The following LZTFL1 variants were observed in gnomAD, a reference collection of about 807,000 sequenced individuals.
The protein encoded by LZTFL1 is leucine zipper transcription factor-like protein 1.
A neutral mutation model predicts 45.9 loss-of-function variants in LZTFL1; 25 were observed. The observed-to-expected ratio is 0.54, with a 90% CI of 0.40 to 0.76. LZTFL1 has a LOEUF of 0.76. LZTFL1 is among the 30% of genes least tolerant of loss of function. The probability of loss-of-function intolerance (pLI) is 0.00; values close to 1 mark genes in which losing one functional copy is unlikely to be tolerated. For missense variants in LZTFL1, 277 were observed against 331.1 expected, an observed-to-expected ratio of 0.84 and a Z score of 1.27; for synonymous variants, 93 against 117.4, an observed-to-expected ratio of 0.79 and a Z score of 1.35.
chr3:45,863,208 A>G (rs189743266), intron 2 of LZTFL1, among the ~76,000 whole-genome samples: 2 of 152,362 alleles, frequency 1.3e-5, no homozygotes, highest in Non-Finnish European at 2.9e-5. Flanking sequence ...GGTAGGAACT[A>G]TATTTCAAGG....
At position 45,851,804 on chromosome 3, in the gene LZTFL1, C is replaced by T. The variant is rs146856576; in HGVS notation, c.-49+3182G>A. The stretch of plus-strand genomic sequence containing the variant: ...TGAAGGCTGAAGTGAGCCATGATCA[C>T]ACCACTGCACTCCAGCCTGGGTGAC... On this transcript the variant is annotated intron_variant, in intron 4 of 4. Transcript: ENST00000472635. 8.6e-5 allele frequency among the ~76,000 whole-genome samples: 13 copies of T among 150,826 alleles called. No homozygotes were observed. In the East Asian group the frequency reaches 2.4e-3, roughly 27 times the overall value.
At chr3:45,913,165 T>A (rs1702833391) in exon 2 of LZTFL1, 1 of 1,535,548 alleles carries the variant, frequency 6.5e-7, no homozygotes, top group Admixed American at 2.0e-5. Context: ...GTGGGCTGAC[T>A]TACAGCAAGA....
At chr3:45,841,806 AG>A in intron 1 of LZTFL1, 182 bp downstream of exon 1, 1 of 724,354 alleles carries the variant, frequency 1.4e-6, no homozygotes, top group East Asian at 2.7e-5. Flanking sequence ...TTACCCCAGA[AG>A]GGCTTGGGCT....
At chr3:45,906,627 A>C (rs1163439193) in intron 2 of LZTFL1, among the ~76,000 whole-genome samples, 1 of 152,232 alleles carries the variant, frequency 6.6e-6, no homozygotes, top group Non-Finnish European at 1.5e-5. Context: ...TCAAAAGTGC[A>C]CCATGAAGGT....
chr3:45,828,630 T>A lies in LZTFL1; in HGVS notation c.601-15A>T. 1.3e-6 allele frequency: 2 copies of A among 1,578,082 alleles called. No homozygotes were observed. Among genetic ancestry groups the A allele is most frequent in the Non-Finnish European group, 1.7e-6 (2 of 1,154,002 alleles). Reference sequence around the variant, plus strand: ...TTTATAAAATCCTATGAAAAATAAATGCATGCATGTAATTTCATGTTGATA... The same window carrying A: ...TTTATAAAATCCTATGAAAAATAAAAGCATGCATGTAATTTCATGTTGATA... On this transcript the variant is annotated splice_polypyrimidine_tract_variant and intron_variant, in intron 7 of 9. Coordinates refer to ENST00000296135, the MANE Select transcript of LZTFL1 (RefSeq NM_020347.4).
rs187556058 is a variant in LZTFL1 at position 45,851,330 on chromosome 3, G to A, written c.-49+3656C>T. The stretch of plus-strand genomic sequence containing the variant: ...CAACCTCCGCCTCCTGGGTTCAAGC[G>A]ATTCTCCTGCATCAGCCTCCTGAGT... On this transcript the variant is annotated intron_variant, in intron 4 of 4. Transcript: ENST00000472635. Among the ~76,000 whole-genome samples, 313 of 150,744 alleles carry A rather than the reference G, an allele frequency of 2.1e-3. 6 individuals carry two copies. The highest frequency in any genetic ancestry group is 0.019 in the Admixed American group (291 of 15,112).
rs766123355 is a variant in LZTFL1, at chr3:45,901,866, C to T, written c.-215+11254G>A. 30 of 1,607,754 alleles carry T rather than the reference C, an allele frequency of 1.9e-5. No homozygotes were observed. The East Asian group carries it at 6.7e-4, about 36-fold the overall frequency. On this transcript the variant is annotated intron_variant, in intron 2 of 4. Transcript: ENST00000472635. This position sits in a 1 kb window ranked among gnomAD's most constrained non-coding sequence, Gnocchi z 4.3. ...AAGCTTGAAGCTGTCGTCTATGTTG[C>T]TGGAGACAACCTCAGGAGCACTCTC...
At chr3:45,902,756 G>C (rs199800584) in intron 2 of LZTFL1, 1 of 167,126 alleles carries the variant, frequency 6.0e-6, no homozygotes, top group Non-Finnish European at 1.5e-5. Context: ...TGGGTCCACC[G>C]TCTGTCTGCT....
At chr3:45,897,350 A>C (rs1157979991) in intron 2 of LZTFL1, among the ~76,000 whole-genome samples, 1 of 152,184 alleles carries the variant, frequency 6.6e-6, no homozygotes, top group East Asian at 1.9e-4. Flanking sequence ...CCCTAACCTA[A>C]CTAACTAAGT....
chr3:45,909,393 T>C (rs775323267), intron 2 of LZTFL1, among the ~76,000 whole-genome samples: 4 of 152,210 alleles, frequency 2.6e-5, no homozygotes, highest in Non-Finnish European at 5.9e-5. Context: ...CCAACTTCAA[T>C]AATGATTAAC....
chr3:45,856,054 T>C (rs1031108834), intron 3 of LZTFL1, among the ~76,000 whole-genome samples: 4 of 152,128 alleles, frequency 2.6e-5, no homozygotes, highest in African/African-American at 9.7e-5. Context: ...AAAAATTTTT[T>C]AATTCATATA....
At chr3:45,912,742 C>T (rs1179153109) in intron 2 of LZTFL1, among the ~76,000 whole-genome samples, 1 of 152,198 alleles carries the variant, frequency 6.6e-6, no homozygotes, top group African/African-American at 2.4e-5. Context: ...AGCCTCAATG[C>T]GTAGCTGACC....
At position 45,862,705 on chromosome 3, in the gene LZTFL1, G is replaced by C. The variant is rs1423421411; in HGVS notation, c.-214-3689C>G. Among the ~76,000 whole-genome samples the C allele has an allele frequency of 2.6e-5, 4 of 152,230 alleles. No homozygotes were observed. In the South Asian group the frequency reaches 8.3e-4, roughly 31 times the overall value. ...TTTGGAGGCTTAGAAGCATCTTAAA[G>C]TATGGGCCGATCTACTAGCTTTTGA... is the stretch of plus-strand genomic sequence containing the variant. On this transcript the variant is annotated intron_variant, in intron 2 of 4. Coordinates refer to the LZTFL1 transcript ENST00000472635.
chr3:45,883,116 C>G (rs1056612401), intron 2 of LZTFL1, among the ~76,000 whole-genome samples: 1 of 152,176 alleles, frequency 6.6e-6, no homozygotes, highest in African/African-American at 2.4e-5. Flanking sequence ...ATCAGCATTT[C>G]CTAATTTTCA....
intron 2 of LZTFL1, among the ~76,000 whole-genome samples, chr3:45,886,861 C>T (rs1296507537): frequency 6.6e-6 from 1 of 152,144 alleles, no homozygotes; most frequent in Non-Finnish European, 1.5e-5. Flanking sequence ...AGTAATAAAA[C>T]TCCCTCCCCC....
At chr3:45,842,299 G>A (rs143382101), upstream of LZTFL1, 23 of 733,504 alleles carry the variant, frequency 3.1e-5, no homozygotes, top group African/African-American at 3.2e-4. Flanking sequence ...AGTTGCAGAA[G>A]GTAGCGGGAG....
At chr3:45,835,491 A>T in intron 3 of LZTFL1, 99 bp downstream of exon 3, 1 of 1,175,464 alleles carries the variant, frequency 8.5e-7, no homozygotes, top group Non-Finnish European at 1.2e-6. Context: ...ATTTCCTCAC[A>T]CACTAGCCCC....
At chr3:45,894,267 C>T (rs1216155832) in intron 2 of LZTFL1, among the ~76,000 whole-genome samples, 3 of 152,214 alleles carry the variant, frequency 2.0e-5, no homozygotes, top group Admixed American at 1.3e-4. Flanking sequence ...CTAGGACTTC[C>T]TTTTCCTGCT....
At position 45,890,273 on chromosome 3, in the gene LZTFL1, T is replaced by TTTATATAAATATATATATAAC. The variant is rs1559421345; in HGVS notation, c.-215+22846_-215+22847insGTTATATATATATTTATATAA. The stretch of plus-strand genomic sequence containing the variant: ...GGGTATTAGAAATATATATATAACA[T>TTTATATAAATATATATATAAC]ATATATATATTTATATAAATATATA... On this transcript the variant is annotated intron_variant, in intron 2 of 4. Coordinates refer to the LZTFL1 transcript ENST00000472635. Among the ~76,000 whole-genome samples, 147 of 20,886 alleles carry TTTATATAAATATATATATAAC rather than the reference T, an allele frequency of 7.0e-3. 43 individuals are homozygous for TTTATATAAATATATATATAAC. The highest frequency in any genetic ancestry group is 0.014 in the African/African-American group (112 of 8,120). The allele number at this position is 20,886 out of a possible 152,430, so 13.7% of individuals were successfully genotyped here.
Sources: gnomAD v4.1 joint callset for allele counts (sites outside exome capture counted in the v4.1 genomes callset) on GRCh38, gnomAD v4.1.1 for gene constraint, Gnocchi (gnomAD v3.1) non-coding constraint, MANE v1.5 for transcripts, NCBI Gene and HGNC (gene_info 2026-07-23, HGNC 2026-07-21) for gene names.